The following RGS8 variants were observed in gnomAD, a reference collection of about 807,000 sequenced individuals.
The protein encoded by RGS8 is regulator of G protein signaling 8, also known as regulator of G-protein signaling 8.
A neutral mutation model predicts 21.7 loss-of-function variants in RGS8; 8 were observed. The ratio of observed to expected loss-of-function variants is 0.37; its 90% CI spans 0.22 to 0.66. The LOEUF (loss-of-function observed/expected upper bound fraction) is 0.66. Among genes scored for constraint, RGS8 ranks in the 30% least tolerant of loss-of-function variants. The pLI is 0.59. For missense variants in RGS8, 157 were observed against 217.9 expected (o/e 0.72, Z 1.76); for synonymous variants, 80 against 83.6 (o/e 0.96, Z 0.24).
At chr1:182,648,734 C>CAAAAAAAGAA (rs986977270) in intron 5 of RGS8, among the ~76,000 whole-genome samples, 35 of 149,288 alleles carry the variant, frequency 2.3e-4, no homozygotes, top group Non-Finnish European at 4.9e-4. Flanking sequence ...GACTCCGTCT[C>CAAAAAAAGAA]AAAAAAAGAA....
downstream of RGS8, chr1:182,644,928 G>T (rs975854642): frequency 6.6e-6 from 1 of 152,130 alleles, no homozygotes; most frequent in Non-Finnish European, 1.5e-5. Context: ...GTCTGTGAGG[G>T]CTAGGAGACA....
chr1:182,733,306 T>C, the RGS8 span, among the ~76,000 whole-genome samples: 5 of 152,252 alleles, frequency 3.3e-5, no homozygotes, highest in East Asian at 1.9e-4. Context: ...CCGTGCTCAA[T>C]ATCCCAGGAA....
chr1:182,697,677 TA>T, the RGS8 span, among the ~76,000 whole-genome samples: 1 of 152,320 alleles, frequency 6.6e-6, no homozygotes, highest in East Asian at 1.9e-4. Flanking sequence ...TTCTCAATTC[TA>T]AAACACTTTT....
upstream of RGS8, among the ~76,000 whole-genome samples, chr1:182,686,684 G>T (rs1328612555): frequency 6.6e-6 from 1 of 152,176 alleles, no homozygotes; most frequent in African/African-American, 2.4e-5. Context: ...TGATAGGCCA[G>T]GGCAGAAGTG....
the RGS8 span, among the ~76,000 whole-genome samples, chr1:182,749,650 A>G: frequency 6.6e-6 from 1 of 152,194 alleles, no homozygotes; most frequent in African/African-American, 2.4e-5. Flanking sequence ...ATTTTCAAAC[A>G]GATTGCATTA....
At chr1:182,727,653 A>C in the RGS8 span, among the ~76,000 whole-genome samples, 1 of 152,106 alleles carries the variant, frequency 6.6e-6, no homozygotes, top group Non-Finnish European at 1.5e-5. Context: ...TAAAGATTAG[A>C]ATTATGTCAT....
chr1:182,667,048 G>T, intron 3 of RGS8, 75 bp from the exon 5 acceptor site: 4 of 1,226,408 alleles, frequency 3.3e-6, no homozygotes, highest in Non-Finnish European at 4.8e-6. Flanking sequence ...AGGGCCCCTG[G>T]AGCTGCTGCT....
chr1:182,744,777 A>C, the RGS8 span, among the ~76,000 whole-genome samples: 1 of 152,218 alleles, frequency 6.6e-6, no homozygotes, highest in African/African-American at 2.4e-5. Flanking sequence ...CATTTCTCAG[A>C]ATATATTGCT....
At chr1:182,676,923 C>T (rs1406947723), upstream of RGS8, among the ~76,000 whole-genome samples, 1 of 152,190 alleles carries the variant, frequency 6.6e-6, no homozygotes, top group Non-Finnish European at 1.5e-5. Context: ...GTCTATTTCT[C>T]AGGGCGATTA....
Position 182,666,864 on chromosome 1 carries a change from C to A in RGS8, c.128+8G>T. ...ACCCAGGGAATGGCACGTGGCCGTACTACTCACTTGAGAGCGCGGTTGGGT... is the reference window on the plus strand; with the variant it reads ...ACCCAGGGAATGGCACGTGGCCGTAATACTCACTTGAGAGCGCGGTTGGGT... On this transcript the variant is annotated splice_region_variant and intron_variant, in intron 4 of 6. Transcript: ENST00000483095. The A allele has an allele frequency of 6.2e-7, 1 of 1,608,266 alleles. No individual in the cohort carries two copies. Among genetic ancestry groups the A allele is most frequent in the Non-Finnish European group, 8.5e-7 (1 of 1,174,680 alleles).
At chr1:182,752,325 G>T in the RGS8 span, among the ~76,000 whole-genome samples, 1 of 152,146 alleles carries the variant, frequency 6.6e-6, no homozygotes, top group Non-Finnish European at 1.5e-5. Context: ...TTCAAGACCC[G>T]GCCACAGACG....
chr1:182,747,897 C>A, the RGS8 span, among the ~76,000 whole-genome samples: 4 of 150,156 alleles, frequency 2.7e-5, no homozygotes, highest in Admixed American at 2.7e-4. Flanking sequence ...AGAGCTCCAT[C>A]ATTTTCTTTT....
At chr1:182,726,293 G>A in the RGS8 span, among the ~76,000 whole-genome samples, 3 of 151,960 alleles carry the variant, frequency 2.0e-5, no homozygotes, top group Non-Finnish European at 4.4e-5. Context: ...ATCCTCTAAG[G>A]GGCCCTGGTT....
chr1:182,727,228 G>T, the RGS8 span, among the ~76,000 whole-genome samples: 6 of 152,150 alleles, frequency 3.9e-5, no homozygotes, highest in Admixed American at 6.5e-5. Flanking sequence ...ATGTGACCTT[G>T]GACAAATAAC....
At chr1:182,741,921 C>A in the RGS8 span, among the ~76,000 whole-genome samples, 6 of 142,160 alleles carry the variant, frequency 4.2e-5, no homozygotes, top group African/African-American at 5.2e-5. Flanking sequence ...GGCTGCCGGG[C>A]GGAGACGCTC....
chr1:182,684,751 G>A (rs76529958), upstream of RGS8, among the ~76,000 whole-genome samples: 7,388 of 152,172 alleles, frequency 0.049, 233 homozygotes, highest in African/African-American at 0.092. The surrounding 1 kb of genome is among the most constrained non-coding windows in gnomAD (Gnocchi z 4.2). Context: ...AGCTGCCTCC[G>A]AGGGGCTGGT....
At chr1:182,643,322 A>ACCCCCCC (rs1557876791), downstream of RGS8, 2 of 22,362 alleles carry the variant, frequency 8.9e-5, no homozygotes, top group African/African-American at 1.9e-4. Context: ...CCCCTCCCCC[A>ACCCCCCC]GCCCCCCCGC....
chr1:182,727,559 C>A, the RGS8 span, among the ~76,000 whole-genome samples: 7 of 152,054 alleles, frequency 4.6e-5, no homozygotes, highest in Admixed American at 3.9e-4. Flanking sequence ...CAACTCATAA[C>A]CTAAATGGAA....
chr1:182,694,470 AG>A, the RGS8 span, among the ~76,000 whole-genome samples: 1 of 152,192 alleles, frequency 6.6e-6, no homozygotes, highest in Non-Finnish European at 1.5e-5. Flanking sequence ...CAGCATCCAC[AG>A]GATCATCAAT....
Sources: gnomAD v4.1 joint callset for allele counts (sites outside exome capture counted in the v4.1 genomes callset) on GRCh38, gnomAD v4.1.1 for gene constraint, Gnocchi (gnomAD v3.1) non-coding constraint, MANE v1.5 for transcripts, NCBI Gene and HGNC (gene_info 2026-07-23, HGNC 2026-07-21) for gene names.